HYDIN: variants seen among roughly 807,000 people sequenced by gnomAD.
HYDIN encodes the protein HYDIN axonemal central pair apparatus protein.
Under a neutral mutation model 403.9 loss-of-function variants are expected in HYDIN, and 132 were observed. The observed-to-expected ratio is 0.33, with a 90% CI of 0.28 to 0.38. HYDIN has a LOEUF of 0.38. Ranked by LOEUF, HYDIN falls within the 10% of genes least tolerant of loss-of-function variation. HYDIN has a pLI of 1.00. For synonymous variants in HYDIN, 1,202 were observed against 1,891.7 expected, an observed-to-expected ratio of 0.64 and a Z score of 9.46; for missense variants, 2,827 against 5,009.5, an observed-to-expected ratio of 0.56 and a Z score of 13.15.
chr16:70,921,471 T>G (rs2076993896), intron 45 of HYDIN, among the ~76,000 whole-genome samples: 1 of 151,988 alleles, frequency 6.6e-6, no homozygotes. Context: ...AGGTGCAGAG[T>G]GACTTTGATG....
At chr16:71,218,700 T>TA (rs2089024994) in intron 1 of HYDIN, among the ~76,000 whole-genome samples, 2 of 152,230 alleles carry the variant, frequency 1.3e-5, no homozygotes, top group Non-Finnish European at 2.9e-5. Flanking sequence ...CACCATTTTT[T>TA]ACAGAATCTC....
intron 1 of HYDIN, among the ~76,000 whole-genome samples, chr16:71,221,558 A>G (rs1253227628): frequency 6.6e-6 from 1 of 152,178 alleles, no homozygotes; most frequent in Non-Finnish European, 1.5e-5. Context: ...GCATACTAAG[A>G]GAGTGGGAAA....
At chr16:71,021,914 C>T (rs991031415) in intron 21 of HYDIN, among the ~76,000 whole-genome samples, 23 of 152,088 alleles carry the variant, frequency 1.5e-4, no homozygotes, top group Non-Finnish European at 2.6e-4. Context: ...TCCCTTGGCT[C>T]GAGCCTCATG....
intron 1 of HYDIN, among the ~76,000 whole-genome samples, chr16:71,204,892 T>G (rs551124452): frequency 1.3e-5 from 2 of 152,218 alleles, no homozygotes; most frequent in South Asian, 4.2e-4. Flanking sequence ...CAACTAACAG[T>G]TGAACCAACC....
At chr16:71,190,262 C>T (rs12447416) in intron 1 of HYDIN, among the ~76,000 whole-genome samples, 54,507 of 151,344 alleles carry the variant, frequency 0.36, 10,259 homozygotes, top group East Asian at 0.58. Context: ...AAAACAAGAA[C>T]GTTATCAAGA....
At chr16:71,110,519 C>A (rs1431472762) in intron 10 of HYDIN, among the ~76,000 whole-genome samples, 1 of 139,794 alleles carries the variant, frequency 7.2e-6, no homozygotes, top group Non-Finnish European at 1.5e-5. Context: ...ATCAATATAT[C>A]AATTTCCAAA....
At chr16:71,151,042 C>T in intron 7 of HYDIN, among the ~76,000 whole-genome samples, 1 of 152,148 alleles carries the variant, frequency 6.6e-6, no homozygotes. Flanking sequence ...AACAGCACTA[C>T]ATGTTGGTGA....
intron 78 of HYDIN, among the ~76,000 whole-genome samples, chr16:70,835,471 C>T (rs1567679058): frequency 6.6e-6 from 1 of 152,178 alleles, no homozygotes; most frequent in African/African-American, 2.4e-5. Context: ...TGTTCGTTTT[C>T]ACAAAAACAG....
Position 70,824,314 on chromosome 16 carries a change from T to C in HYDIN, c.14427+2947A>G, listed in dbSNP as rs546528065. ...TCTCTATTCTCTTCCTACTCTTCTC[T>C]CTGAATGAGAAACCTTCTCTTATTT... On this transcript the variant is annotated intron_variant, in intron 83 of 85. Coordinates refer to ENST00000393567, the MANE Select transcript of HYDIN (RefSeq NM_001270974.2). 3.3e-5 allele frequency among the ~76,000 whole-genome samples: 5 copies of C among 151,956 alleles called. No individual in the cohort carries two copies. The South Asian group carries it at 1.0e-3, about 32-fold the overall frequency.
intron 1 of HYDIN, among the ~76,000 whole-genome samples, chr16:71,210,197 GAC>G (rs2088509819): frequency 6.6e-6 from 1 of 152,124 alleles, no homozygotes; most frequent in South Asian, 2.1e-4. Context: ...CTACCATAAA[GAC>G]ACATGCACAC....
intron 1 of HYDIN, among the ~76,000 whole-genome samples, chr16:71,205,595 G>A (rs1383310286): frequency 6.6e-6 from 1 of 152,214 alleles, no homozygotes; most frequent in Non-Finnish European, 1.5e-5. Flanking sequence ...GTAGTTCCGA[G>A]GAGCACCAAC....
intron 45 of HYDIN, among the ~76,000 whole-genome samples, chr16:70,929,155 T>C (rs2143839270): frequency 7.0e-6 from 1 of 142,850 alleles, no homozygotes; most frequent in Middle Eastern, 3.5e-3. Flanking sequence ...CTGGGCGTGG[T>C]GGTGCATGCC....
chr16:70,848,658 C>CTG (rs907967960), intron 75 of HYDIN, among the ~76,000 whole-genome samples: 8 of 104,412 alleles, frequency 7.7e-5, no homozygotes, highest in South Asian at 4.1e-4. Flanking sequence ...TGCTGAGGGG[C>CTG]TGTGTGTGTG....
At chr16:71,192,017 A>G (rs996404590) in intron 1 of HYDIN, among the ~76,000 whole-genome samples, 1 of 152,200 alleles carries the variant, frequency 6.6e-6, no homozygotes, top group Non-Finnish European at 1.5e-5. Context: ...TAATCCCCAC[A>G]GCAACCCTAG....
At chr16:71,163,038 CAAG>C (rs1203169052) in intron 5 of HYDIN, among the ~76,000 whole-genome samples, 1 of 151,726 alleles carries the variant, frequency 6.6e-6, no homozygotes, top group Non-Finnish European at 1.5e-5. Context: ...CCTGTAGATC[CAAG>C]AAGATTCACA....
chr16:71,182,703 G>A (rs1234949730), intron 3 of HYDIN, among the ~76,000 whole-genome samples: 4 of 152,088 alleles, frequency 2.6e-5, no homozygotes. Context: ...CCAGAGTTCA[G>A]GGGATAGACA....
chr16:70,912,258 C>CT (rs1307945288), intron 47 of HYDIN, among the ~76,000 whole-genome samples: 15 of 117,846 alleles, frequency 1.3e-4, no homozygotes, highest in African/African-American at 1.7e-4. Context: ...TCACAGATGG[C>CT]TTTTTTTACA....
chr16:70,841,864 G>A (rs1798511), intron 75 of HYDIN, among the ~76,000 whole-genome samples: 5 of 148,258 alleles, frequency 3.4e-5, no homozygotes, highest in Non-Finnish European at 4.4e-5. Context: ...ACCATGAGCC[G>A]AAACATTTCT....
chr16:70,852,714 G>A (rs1370821590), intron 73 of HYDIN: 1 of 152,216 alleles, frequency 6.6e-6, no homozygotes, highest in South Asian at 2.1e-4. Flanking sequence ...TATGAAAGGA[G>A]AGAAGGTTAG....
Sources: allele counts gnomAD v4.1 joint callset (sites outside exome capture counted in the v4.1 genomes callset), GRCh38; gene constraint gnomAD v4.1.1; transcripts MANE v1.5; gene names NCBI Gene and HGNC (gene_info 2026-07-23, HGNC 2026-07-21).